The following OR7A17 variants were observed in gnomAD, a reference collection of about 807,000 sequenced individuals.
The protein encoded by OR7A17 is olfactory receptor 7A17.
For missense variants in OR7A17, 366 were observed against 365.5 expected, an observed-to-expected ratio of 1.00 and a Z score of -0.01; for synonymous variants, 159 against 142.1, an observed-to-expected ratio of 1.12 and a Z score of -0.85.
chr19:14,882,882 T>C (rs996842740), intron 1 of OR7A17, among the ~76,000 whole-genome samples: 8 of 152,176 alleles, frequency 5.3e-5, no homozygotes, highest in African/African-American at 1.9e-4. Flanking sequence ...CTCTTGTGCT[T>C]TTCTCACCCT....
intron 1 of OR7A17, 95 bp downstream of exon 1, chr19:14,885,846 G>T (rs773255296): frequency 6.6e-6 from 1 of 152,230 alleles, no homozygotes; most frequent in Non-Finnish European, 1.5e-5. Flanking sequence ...CAAAGCTGGA[G>T]GAAATGATTG....
chr19:14,883,501 T>C (rs188467798), intron 1 of OR7A17, among the ~76,000 whole-genome samples: 1 of 152,316 alleles, frequency 6.6e-6, no homozygotes. Context: ...TCTCCTTTTC[T>C]GCAGAATGAA....
At chr19:14,882,211 T>C (rs895443879) in intron 1 of OR7A17, among the ~76,000 whole-genome samples, 1 of 152,184 alleles carries the variant, frequency 6.6e-6, no homozygotes, top group Non-Finnish European at 1.5e-5. Context: ...ACTGTATAGA[T>C]AATGAGTCAA....
At chr19:14,882,967 A>G (rs1171920577) in intron 1 of OR7A17, among the ~76,000 whole-genome samples, 1 of 152,212 alleles carries the variant, frequency 6.6e-6, no homozygotes, top group East Asian at 1.9e-4. Flanking sequence ...GAGAATTCAG[A>G]AATGGTCTGA....
chr19:14,880,596 T>C lies in OR7A17; in HGVS notation c.760A>G (p.Thr254Ala). ...GAAGTAAGGTACACACCTAGGCCCG[T>C]ACAACAAAATAAAGAGACAACTGAG... Reference protein sequence around the residue: ...HLSVVSLFCCTGLGVYLTSAA... With the variant: ...HLSVVSLFCCAGLGVYLTSAA... Residue 254 changes from threonine (T) to alanine (A), a missense_variant, in exon 3 of 3, where the codon ACG becomes GCG. Thr to Ala is a moderately conservative substitution (Grantham distance 58). Transcript: ENST00000641113. 6.2e-7 allele frequency: 1 copy of C among 1,614,096 alleles called. No individual in the cohort carries two copies. The highest frequency in any genetic ancestry group is 8.5e-7 in the Non-Finnish European group (1 of 1,180,024).
In OR7A17 at chr19:14,879,568, G is replaced by A. The variant is rs2045095774; in HGVS notation, c.*858C>T. 6.6e-6 allele frequency: 1 copy of A among 152,200 alleles called. No individual in the cohort carries two copies. Among genetic ancestry groups the A allele is most frequent in the African/African-American group, 2.4e-5 (1 of 41,400 alleles). 9.4% of individuals were successfully genotyped at this position (152,200 alleles called of 1,614,324 possible). A position where few individuals can be genotyped will look rare whatever the true frequency, so the allele number is the denominator to read the frequency against. ...GAGCCACCGTGCCTGCACTTGATAG[G>A]AAATTTTTACCTTCTTACTCTTTCC... On this transcript the variant is annotated 3_prime_UTR_variant, in exon 3 of 3. Coordinates refer to ENST00000641113, the MANE Select transcript of OR7A17 (RefSeq NM_030901.2).
rs964223126 is a variant in OR7A17 at position 14,881,112 on chromosome 19, G to A, written c.244C>T (p.Leu82Phe). 1.9e-6 allele frequency: 3 copies of A among 1,614,076 alleles called. No homozygotes were observed. Among genetic ancestry groups the A allele is most frequent in the South Asian group, 1.1e-5 (1 of 91,078 alleles). Reference sequence around the variant, plus strand: ...CTGCTCTGTGTCTGGATGTTAATGAGCATCTTTGGGATTGTAGTGGAGATG... The same window carrying A: ...CTGCTCTGTGTCTGGATGTTAATGAACATCTTTGGGATTGTAGTGGAGATG... Reference protein sequence around the residue: ...CFISTTIPKMLINIQTQSRVI... With the variant: ...CFISTTIPKMFINIQTQSRVI... Residue 82 changes from leucine (L) to phenylalanine (F), a missense_variant, in exon 3 of 3, where the codon CTC becomes TTC. By Grantham distance (22) the Leu-to-Phe change is conservative. Coordinates refer to ENST00000641113, the MANE Select transcript of OR7A17 (RefSeq NM_030901.2).
In OR7A17 at chr19:14,880,718, C is replaced by T. The variant is rs2045103874; in HGVS notation, c.638G>A (p.Gly213Glu). Residue 213 changes from glycine (G) to glutamate (E), a missense_variant, in exon 3 of 3, where the codon GGG (glycine) becomes GAG (glutamate). Coordinates refer to ENST00000641113, the MANE Select transcript of OR7A17 (RefSeq NM_030901.2). ...TATCTTAGAGTAAGAGCAAAGGATC[C>T]CCACAAGGGGACCACCAGCCAGCAG... ...AGLLAGGPLV[G>E]ILCSYSKIVS... 2 of 1,614,040 alleles carry T rather than the reference C, an allele frequency of 1.2e-6. No homozygotes were observed. The highest frequency in any genetic ancestry group is 1.7e-6 in the Non-Finnish European group (2 of 1,180,044).
chr19:14,883,338 G>A (rs562644543), intron 1 of OR7A17, among the ~76,000 whole-genome samples: 22 of 152,266 alleles, frequency 1.4e-4, no homozygotes, highest in Admixed American at 8.5e-4. Flanking sequence ...TACTCGGGGG[G>A]CTGAGGTAGG....
chr19:14,885,216 C>G (rs1389718918), intron 1 of OR7A17, among the ~76,000 whole-genome samples: 1 of 152,160 alleles, frequency 6.6e-6, no homozygotes, highest in East Asian at 1.9e-4. Context: ...AAAACTGGCA[C>G]AAGACAAGTG....
chr19:14,883,455 A>G (rs2045122037), intron 1 of OR7A17, among the ~76,000 whole-genome samples: 1 of 152,160 alleles, frequency 6.6e-6, no homozygotes, highest in Non-Finnish European at 1.5e-5. Flanking sequence ...AAAGAAAAAA[A>G]AAAAGAAAAA....
intron 1 of OR7A17, among the ~76,000 whole-genome samples, chr19:14,884,398 CG>C (rs1464203156): frequency 6.6e-6 from 1 of 151,852 alleles, no homozygotes; most frequent in African/African-American, 2.4e-5. Flanking sequence ...TGAGAACAGC[CG>C]GGGCATCATA....
At chr19:14,882,077 C>T (rs914526128) in intron 1 of OR7A17, among the ~76,000 whole-genome samples, 6 of 127,522 alleles carry the variant, frequency 4.7e-5, no homozygotes, top group Middle Eastern at 4.0e-3. Flanking sequence ...TCCTAGACCA[C>T]GCTCTCTCGC....
At position 14,883,283 on chromosome 19, in the gene OR7A17, TA is replaced by T. The variant is rs1441417973; in HGVS notation, c.-294-1413del. Among the ~76,000 whole-genome samples the T allele has an allele frequency of 2.6e-5, 4 of 152,140 alleles. No homozygotes were observed. The South Asian group carries it at 8.3e-4, about 32-fold the overall frequency. On this transcript the variant is annotated intron_variant, in intron 1 of 2. Transcript: ENST00000641113. ...GGCGAAGCCCCGTCTGTACTAAAAA[TA>T]CAAAAATTAGCCAGGTGTGGAGGCA...
chr19:14,882,086 G>GCT (rs35963447), intron 1 of OR7A17, among the ~76,000 whole-genome samples: 47,087 of 147,586 alleles, frequency 0.32, 8,300 homozygotes, highest in East Asian at 0.67. Flanking sequence ...ACGCTCTCTC[G>GCT]CTCTCTCTCT....
At chr19:14,882,807 G>T (rs186948857) in intron 1 of OR7A17, among the ~76,000 whole-genome samples, 459 of 152,050 alleles carry the variant, frequency 3.0e-3, no homozygotes, top group Non-Finnish European at 5.1e-3. Context: ...GTGCGTGCGC[G>T]CACGCACACA....
rs1188716006 is a variant in OR7A17, at chr19:14,879,909, G to A, written c.*517C>T. On this transcript the variant is annotated 3_prime_UTR_variant, in exon 3 of 3. Transcript: ENST00000641113. ...ACTGCACTTCAGCCTGGGTGACAGA[G>A]CGAGACTCCATCTAAAAAAATAAAT... is the stretch of plus-strand genomic sequence containing the variant. The A allele has an allele frequency of 1.3e-5, 2 of 152,404 alleles. No individual in the cohort carries two copies. Among genetic ancestry groups the A allele is most frequent in the African/African-American group, 4.8e-5 (2 of 41,418 alleles). 9.4% of individuals were successfully genotyped at this position (152,404 alleles called of 1,614,324 possible). A position where few individuals can be genotyped will look rare whatever the true frequency, so the allele number is the denominator to read the frequency against.
intron 1 of OR7A17, 138 bp downstream of exon 1, chr19:14,885,803 C>T (rs2045133341): frequency 1.3e-5 from 2 of 152,086 alleles, no homozygotes; most frequent in South Asian, 4.2e-4. Context: ...AAAAAATAGC[C>T]CGTATAGCCA....
At chr19:14,881,948 C>G (rs2045114548) in intron 1 of OR7A17, 77 bp from the exon 2 acceptor site, 1 of 152,168 alleles carries the variant, frequency 6.6e-6, no homozygotes, top group African/African-American at 2.4e-5. Flanking sequence ...TCACCTCAAG[C>G]CTCCATACCA....
Sources: gnomAD v4.1 joint callset for allele counts (sites outside exome capture counted in the v4.1 genomes callset) on GRCh38, gnomAD v4.1.1 for gene constraint, MANE v1.5 for transcripts, NCBI Gene and HGNC (gene_info 2026-07-23, HGNC 2026-07-21) for gene names.